Variants in STK32A observed in about 807,000 individuals in gnomAD.
STK32A encodes serine/threonine-protein kinase 32A.
Under a neutral mutation model 53.2 loss-of-function variants are expected in STK32A, and 41 were observed. That is an observed-to-expected ratio of 0.77 (90% CI 0.60 to 1.00). The LOEUF is 1.00. STK32A is among the 50% of genes least tolerant of loss of function. The pLI, the probability that STK32A is intolerant of heterozygous loss-of-function variation, is 0.00. For missense variants in STK32A, 458 were observed against 485.8 expected (o/e 0.94, Z 0.54); for synonymous variants, 166 against 162.8 (o/e 1.02, Z -0.15).
At position 147,239,649 on chromosome 5, in the gene STK32A, T is replaced by G. The variant is rs1480088107; in HGVS notation, c.15T>G (p.Thr5=). The G allele has an allele frequency of 1.2e-6, 2 of 1,608,920 alleles. No individual in the cohort carries two copies. The highest frequency in any genetic ancestry group is 1.7e-6 in the Non-Finnish European group (2 of 1,177,484). ...CAGATTCAACCATGGGAGCGAACAC[T>G]TCAAGAAAACCACCAGTGTTTGATG... is the stretch of plus-strand genomic sequence containing the variant. MGAN[T]SRKPPVFDEN... is the part of the protein sequence containing the mutation. The change falls in exon 2 of 13, where the codon ACT becomes ACG. Residue 5 remains threonine, a synonymous_variant. Coordinates refer to ENST00000397936, the MANE Select transcript of STK32A (RefSeq NM_001112724.2).
At chr5:147,241,191 C>A (rs6874352) in intron 2 of STK32A, among the ~76,000 whole-genome samples, 87,872 of 152,112 alleles carry the variant, frequency 0.58, 25,851 homozygotes, top group Admixed American at 0.69. Context: ...TTAAAAACAA[C>A]ATATGGGCCA....
chr5:147,297,055 T>C (rs368905484), intron 4 of STK32A, among the ~76,000 whole-genome samples: 5 of 152,314 alleles, frequency 3.3e-5, no homozygotes, highest in East Asian at 1.9e-4. Flanking sequence ...AAAACAAAGG[T>C]TCTTTTTCAA....
At chr5:147,379,406 G>T (rs1478467709) in intron 11 of STK32A, among the ~76,000 whole-genome samples, 2 of 151,908 alleles carry the variant, frequency 1.3e-5, no homozygotes, top group Non-Finnish European at 2.9e-5. Flanking sequence ...CATTTTTCGG[G>T]TGTCTCAGTT....
chr5:147,397,649 G>T, the STK32A span: 5 of 1,609,624 alleles, frequency 3.1e-6, no homozygotes, highest in Non-Finnish European at 4.2e-6. Context: ...CCACCTCAGA[G>T]CTCCAATGCT....
At chr5:147,297,013 T>C (rs1343015574) in intron 4 of STK32A, among the ~76,000 whole-genome samples, 1 of 152,188 alleles carries the variant, frequency 6.6e-6, no homozygotes, top group Non-Finnish European at 1.5e-5. Flanking sequence ...GGGCCTATCT[T>C]TTATAAATAT....
chr5:147,381,431 C>T (rs1373132098), intron 11 of STK32A, among the ~76,000 whole-genome samples: 2 of 151,988 alleles, frequency 1.3e-5, no homozygotes, highest in Non-Finnish European at 2.9e-5. Context: ...TCACTTGAGG[C>T]CAGGAGTTTG....
chr5:147,295,804 T>C (rs1752839804), intron 4 of STK32A, among the ~76,000 whole-genome samples: 1 of 152,150 alleles, frequency 6.6e-6, no homozygotes, highest in African/African-American at 2.4e-5. Flanking sequence ...AACCTTAAAT[T>C]TGTACTTCTA....
chr5:147,367,828 C>T (rs1199252871), intron 8 of STK32A, among the ~76,000 whole-genome samples: 1 of 151,444 alleles, frequency 6.6e-6, no homozygotes, highest in Admixed American at 6.5e-5. Flanking sequence ...AATGGAGAAA[C>T]AAATCACTTA....
chr5:147,346,100 T>C (rs1342092116), intron 6 of STK32A, among the ~76,000 whole-genome samples: 1 of 152,206 alleles, frequency 6.6e-6, no homozygotes, highest in East Asian at 1.9e-4. Flanking sequence ...TTAACCACTT[T>C]TCCATGAACA....
At chr5:147,260,023 C>G (rs954941066) in intron 2 of STK32A, among the ~76,000 whole-genome samples, 2 of 135,906 alleles carry the variant, frequency 1.5e-5, no homozygotes, top group African/African-American at 3.0e-5. Context: ...GTCTCTTTGT[C>G]CTCTCTCTTT....
intron 4 of STK32A, among the ~76,000 whole-genome samples, chr5:147,315,160 T>C (rs887371751): frequency 2.6e-5 from 4 of 152,210 alleles, no homozygotes; most frequent in African/African-American, 4.8e-5. Context: ...AAGAAAACAG[T>C]TGGACAGTTC....
At chr5:147,308,906 A>G (rs1347769254) in intron 4 of STK32A, among the ~76,000 whole-genome samples, 3 of 151,138 alleles carry the variant, frequency 2.0e-5, no homozygotes, top group Admixed American at 2.0e-4. Flanking sequence ...TACTGGCTAC[A>G]ATAAAATATT....
chr5:147,281,937 G>T (rs1037727967), intron 4 of STK32A, among the ~76,000 whole-genome samples: 14 of 152,124 alleles, frequency 9.2e-5, no homozygotes, highest in Admixed American at 7.9e-4. Context: ...AGCTAGAAGG[G>T]ATTGGAGCCC....
At chr5:147,383,748 C>G (rs1320984064) in intron 12 of STK32A, 142 bp from the exon 13 acceptor site, 1 of 935,212 alleles carries the variant, frequency 1.1e-6, no homozygotes, top group African/African-American at 1.7e-5. Context: ...GATTTAAACA[C>G]TTAAAAATCA....
At chr5:147,321,812 C>G (rs1754334769) in intron 4 of STK32A, among the ~76,000 whole-genome samples, 3 of 152,146 alleles carry the variant, frequency 2.0e-5, no homozygotes, top group African/African-American at 7.2e-5. Flanking sequence ...TGTATGCTAA[C>G]CCGGTCTGAG....
chr5:147,293,406 A>C (rs1752697566), intron 4 of STK32A, among the ~76,000 whole-genome samples: 1 of 150,128 alleles, frequency 6.7e-6, no homozygotes. Context: ...GTATGATTTA[A>C]ACATATCAAA....
At chr5:147,396,418 A>G in the STK32A span, among the ~76,000 whole-genome samples, 1 of 152,218 alleles carries the variant, frequency 6.6e-6, no homozygotes, top group Non-Finnish European at 1.5e-5. Flanking sequence ...TCAACTGGAC[A>G]AACACTGCAA....
intron 4 of STK32A, among the ~76,000 whole-genome samples, chr5:147,281,817 A>G (rs1752078146): frequency 6.6e-6 from 1 of 152,220 alleles, no homozygotes; most frequent in South Asian, 2.1e-4. Flanking sequence ...CAGATTATCC[A>G]AAGTTAAGAT....
intron 4 of STK32A, among the ~76,000 whole-genome samples, chr5:147,312,792 T>C (rs1343974462): frequency 6.6e-6 from 1 of 152,216 alleles, no homozygotes; most frequent in Non-Finnish European, 1.5e-5. Context: ...CAAAATGATA[T>C]GCACCCTATG....
Sources: gnomAD v4.1 joint callset for allele counts (sites outside exome capture counted in the v4.1 genomes callset) on GRCh38, gnomAD v4.1.1 for gene constraint, MANE v1.5 for transcripts, NCBI Gene and HGNC (gene_info 2026-07-23, HGNC 2026-07-21) for gene names.